The following CLOCK variants were observed in gnomAD, a reference collection of about 807,000 sequenced individuals.
CLOCK encodes the protein circadian locomoter output cycles protein kaput.
In CLOCK, 43 loss-of-function variants were observed where a neutral mutation model predicts 118.4. That is an observed-to-expected ratio of 0.36 (90% confidence interval 0.28 to 0.47). CLOCK has a LOEUF of 0.47. CLOCK is among the 20% of genes least tolerant of loss of function. The probability of loss-of-function intolerance (pLI) is 1.00; values close to 1 mark genes in which losing one functional copy is unlikely to be tolerated. For synonymous variants in CLOCK, 326 were observed against 339.2 expected (o/e 0.96, Z 0.43); for missense variants, 846 against 999.9 (o/e 0.85, Z 2.08).
intron 1 of CLOCK, among the ~76,000 whole-genome samples, chr4:55,530,625 A>G (rs987184773): frequency 6.6e-6 from 1 of 151,802 alleles, no homozygotes; most frequent in Non-Finnish European, 1.5e-5. Flanking sequence ...AAATACAAAA[A>G]TTAGCAAGGC....
At chr4:55,530,269 A>T (rs1188417992) in intron 1 of CLOCK, among the ~76,000 whole-genome samples, 2 of 152,162 alleles carry the variant, frequency 1.3e-5, no homozygotes, top group Admixed American at 6.5e-5. Context: ...TTAGAAAATA[A>T]CAAGACAGAA....
At chr4:55,456,096 T>A in intron 12 of CLOCK, 93 bp from the exon 13 acceptor site, 1 of 1,363,498 alleles carries the variant, frequency 7.3e-7, no homozygotes, top group Non-Finnish European at 1.0e-6. Flanking sequence ...GGCTTTATTT[T>A]TCAAAAAATG....
chr4:55,517,306 C>T (rs550652543), intron 1 of CLOCK, among the ~76,000 whole-genome samples: 133 of 152,156 alleles, frequency 8.7e-4, no homozygotes, highest in African/African-American at 2.9e-3. Context: ...GTCAGGAGAT[C>T]GAGACCATCC....
At chr4:55,540,584 A>C (rs901866147) in intron 1 of CLOCK, 1 of 152,024 alleles carries the variant, frequency 6.6e-6, no homozygotes, top group African/African-American at 2.4e-5. Context: ...ATTTTCCACT[A>C]TTTGGACCTT....
chr4:55,499,518 A>G (rs1728295506), intron 2 of CLOCK, among the ~76,000 whole-genome samples: 1 of 152,186 alleles, frequency 6.6e-6, no homozygotes, highest in Non-Finnish European at 1.5e-5. Flanking sequence ...GATCCCTTGC[A>G]CTCGCAGTTC....
intron 8 of CLOCK, among the ~76,000 whole-genome samples, chr4:55,464,646 C>T (rs1725607601): frequency 1.3e-5 from 2 of 152,144 alleles, no homozygotes; most frequent in Admixed American, 1.3e-4. Flanking sequence ...CAGGGTCCTG[C>T]CCCTGCATTA....
intron 9 of CLOCK, among the ~76,000 whole-genome samples, chr4:55,463,146 G>A (rs1725490063): frequency 6.6e-6 from 1 of 152,084 alleles, no homozygotes; most frequent in African/African-American, 2.4e-5. Flanking sequence ...TATCTTGATG[G>A]TGATAACTAT....
chr4:55,475,391 T>C (rs1187553547), intron 7 of CLOCK, among the ~76,000 whole-genome samples: 3 of 152,216 alleles, frequency 2.0e-5, no homozygotes, highest in Non-Finnish European at 4.4e-5. Context: ...TGAATACTGT[T>C]GACATGACAG....
At chr4:55,542,216 C>T (rs1731312514) in intron 1 of CLOCK, among the ~76,000 whole-genome samples, 1 of 151,484 alleles carries the variant, frequency 6.6e-6, no homozygotes, top group Non-Finnish European at 1.5e-5. Flanking sequence ...GTGGCAGATA[C>T]CTGTAATCCC....
intron 21 of CLOCK, among the ~76,000 whole-genome samples, chr4:55,439,810 T>C (rs1723201462): frequency 6.6e-6 from 1 of 152,112 alleles, no homozygotes; most frequent in Non-Finnish European, 1.5e-5. Flanking sequence ...ACTAGTCCAA[T>C]TTACAGGGAC....
At chr4:55,472,751 G>T (rs1726233612) in intron 7 of CLOCK, among the ~76,000 whole-genome samples, 1 of 150,986 alleles carries the variant, frequency 6.6e-6, no homozygotes, top group Admixed American at 6.6e-5. Flanking sequence ...CCTTCTTTTG[G>T]GAAAGAGATC....
At chr4:55,449,241 T>C (rs1339218550) in intron 17 of CLOCK, among the ~76,000 whole-genome samples, 155 bp downstream of exon 17, 1 of 152,154 alleles carries the variant, frequency 6.6e-6, no homozygotes, top group East Asian at 1.9e-4. Flanking sequence ...AACCACTTCA[T>C]ACAAGAAAAG....
In CLOCK at chr4:55,444,765, T is replaced by G. The variant is rs1372516916; in HGVS notation, c.1560A>C (p.Leu520Phe). 2.5e-6 allele frequency: 4 copies of G among 1,613,940 alleles called. No homozygotes were observed. In the African/African-American group the frequency reaches 5.3e-5, roughly 22 times the overall value. ...GGTCTTTCAGATGTTGCATGGCTCCTAATTGAGCTGAAAACTGAAACTGAA... is the reference window on the plus strand; with the variant it reads ...GGTCTTTCAGATGTTGCATGGCTCCGAATTGAGCTGAAAACTGAAACTGAA... ...GMSQFQFSAQ[L>F]GAMQHLKDQL... The change falls in exon 19 of 23, where the codon TTA (leucine) becomes TTC (phenylalanine). Residue 520 changes from leucine (L) to phenylalanine (F), a missense_variant. Leu to Phe is a conservative substitution (Grantham distance 22). This residue lies in a region of CLOCK where 520 missense variants were observed against 558.0 expected (regional missense o/e 0.93). Coordinates refer to ENST00000513440, the MANE Select transcript of CLOCK (RefSeq NM_004898.4).
intron 1 of CLOCK, among the ~76,000 whole-genome samples, chr4:55,526,910 G>A (rs975136221): frequency 7.6e-6 from 1 of 131,156 alleles, no homozygotes; most frequent in African/African-American, 2.9e-5. Flanking sequence ...TCACACCACT[G>A]CACTCCAGCC....
At chr4:55,538,715 C>T (rs1731063447) in intron 1 of CLOCK, among the ~76,000 whole-genome samples, 1 of 152,168 alleles carries the variant, frequency 6.6e-6, no homozygotes, top group Non-Finnish European at 1.5e-5. Context: ...AAGAAAACCA[C>T]ATCTGAACAC....
chr4:55,506,130 T>C (rs1728782018), intron 2 of CLOCK, among the ~76,000 whole-genome samples: 1 of 152,184 alleles, frequency 6.6e-6, no homozygotes, highest in African/African-American at 2.4e-5. Context: ...CAATACTGAA[T>C]CCAATCCAGG....
At chr4:55,513,154 T>C (rs1316181192) in intron 1 of CLOCK, among the ~76,000 whole-genome samples, 2 of 152,168 alleles carry the variant, frequency 1.3e-5, no homozygotes, top group African/African-American at 2.4e-5. Context: ...ACAAGCTCCA[T>C]GGTAAGTACT....
chr4:55,477,459 T>C (rs1480937969), intron 6 of CLOCK, among the ~76,000 whole-genome samples: 1 of 152,016 alleles, frequency 6.6e-6, no homozygotes, highest in East Asian at 1.9e-4. Context: ...AACTGTGATA[T>C]GGTGCTAAGG....
intron 4 of CLOCK, 104 bp from the exon 5 acceptor site, chr4:55,479,803 G>C: frequency 1.1e-6 from 1 of 871,144 alleles, no homozygotes; most frequent in African/African-American, 1.7e-5. Flanking sequence ...TTTTTGTAAA[G>C]TTAATGAGTT....
Sources: gnomAD v4.1 joint callset for allele counts (sites outside exome capture counted in the v4.1 genomes callset) on GRCh38, gnomAD v4.1.1 for gene constraint, gnomAD v4.1.1 regional missense constraint, MANE v1.5 for transcripts, NCBI Gene and HGNC (gene_info 2026-07-23, HGNC 2026-07-21) for gene names.